The following RARS2 variants were observed in gnomAD, a reference collection of about 807,000 sequenced individuals.
The protein encoded by RARS2 is probable arginine--tRNA ligase, mitochondrial.
In RARS2, 67 loss-of-function variants were observed where a neutral mutation model predicts 88.5. The observed-to-expected ratio is 0.76, with a 90% CI of 0.62 to 0.93. The LOEUF (loss-of-function observed/expected upper bound fraction) is 0.93, where lower values mean the gene tolerates loss of function less well. Among genes scored for constraint, RARS2 ranks in the 40% least tolerant of loss-of-function variants. The pLI is 0.00. For missense variants in RARS2, 664 were observed against 684.2 expected (o/e 0.97, Z 0.33); for synonymous variants, 239 against 230.3 (o/e 1.04, Z -0.34).
chr6:87,532,122 T>C (rs1380487422), intron 8 of RARS2, among the ~76,000 whole-genome samples: 3 of 152,170 alleles, frequency 2.0e-5, no homozygotes, highest in Non-Finnish European at 4.4e-5. Flanking sequence ...TCTCTCAAGG[T>C]AAAAACGTTT....
At chr6:87,535,508 G>GAT (rs1054202076) in intron 8 of RARS2, among the ~76,000 whole-genome samples, 8 of 151,970 alleles carry the variant, frequency 5.3e-5, no homozygotes, top group Non-Finnish European at 1.2e-4. Context: ...AAATTATCTA[G>GAT]TGATACACTA....
chr6:87,586,247 T>C (rs1775119001), intron 1 of RARS2, among the ~76,000 whole-genome samples: 1 of 152,216 alleles, frequency 6.6e-6, no homozygotes, highest in Non-Finnish European at 1.5e-5. Flanking sequence ...ATAGTGTAGA[T>C]GGATTCAAGA....
chr6:87,555,128 T>TAAATAAAC (rs1249951142), intron 5 of RARS2, among the ~76,000 whole-genome samples: 34 of 150,326 alleles, frequency 2.3e-4, no homozygotes, highest in Middle Eastern at 3.5e-3. Context: ...AATAAATAAA[T>TAAATAAAC]AAATAAATAA....
chr6:87,583,584 C>T lies in RARS2; in HGVS notation c.36+6338G>A, dbSNP rs112432008. Among the ~76,000 whole-genome samples the T allele has an allele frequency of 6.3e-3, 778 of 124,480 alleles. 8 individuals carry two copies. Among genetic ancestry groups the T allele is most frequent in the African/African-American group, 0.018 (591 of 33,022 alleles). 81.7% of individuals were successfully genotyped at this position (124,480 alleles called of 152,430 possible). On this transcript the variant is annotated intron_variant, in intron 1 of 19. Transcript: ENST00000369536. Reference sequence around the variant, plus strand: ...AGCCTGGGCAACAAGAACAAAACTGCGTCTCAAAAAAAAAAAAAACAGAAC... The same window carrying T: ...AGCCTGGGCAACAAGAACAAAACTGTGTCTCAAAAAAAAAAAAAACAGAAC...
At chr6:87,542,681 C>T (rs1465676554) in intron 7 of RARS2, among the ~76,000 whole-genome samples, 1 of 147,418 alleles carries the variant, frequency 6.8e-6, no homozygotes, top group African/African-American at 2.5e-5. Context: ...AACCCAAACA[C>T]CAAAAACTGA....
chr6:87,558,941 G>T (rs1786914070), intron 4 of RARS2, among the ~76,000 whole-genome samples: 1 of 152,220 alleles, frequency 6.6e-6, no homozygotes, highest in African/African-American at 2.4e-5. Context: ...AGCTTCATGT[G>T]TGTTACTGCC....
At chr6:87,560,672 G>A (rs1274209372) in intron 4 of RARS2, among the ~76,000 whole-genome samples, 1 of 152,232 alleles carries the variant, frequency 6.6e-6, no homozygotes, top group Non-Finnish European at 1.5e-5. Flanking sequence ...GGTGAGGTGG[G>A]TGGATTACCC....
chr6:87,529,712 G>C lies in RARS2; in HGVS notation c.772-64C>G. 4 of 1,175,734 alleles carry C rather than the reference G, an allele frequency of 3.4e-6. 1 individual carries two copies. The highest frequency in any genetic ancestry group is 5.1e-6 in the Non-Finnish European group (4 of 785,486). 72.8% of individuals were successfully genotyped at this position (1,175,734 alleles called of 1,614,324 possible). A position where few individuals can be genotyped will look rare whatever the true frequency, so the allele number is the denominator to read the frequency against. ...ATTGAATCTCCTATTCTTACCCTAAGGCAAAATTAAGGATGCTCTACCACC... is the reference window on the plus strand; with the variant it reads ...ATTGAATCTCCTATTCTTACCCTAACGCAAAATTAAGGATGCTCTACCACC... On this transcript the variant is annotated intron_variant, in intron 9 of 19. Coordinates refer to ENST00000369536, the MANE Select transcript of RARS2 (RefSeq NM_020320.5).
chr6:87,589,941 C>T lies in RARS2; in HGVS notation c.17G>A (p.Arg6His), dbSNP rs746997135. 10 of 1,613,918 alleles carry T rather than the reference C, an allele frequency of 6.2e-6. No individual in the cohort carries two copies. In the East Asian group the frequency reaches 1.6e-4, roughly 25 times the overall value. Reference sequence around the variant, plus strand: ...CCATACCTGGCAAGCAATAGCGCGGCGAAAGCCGCACGCCATGTCCACCTC... The same window carrying T: ...CCATACCTGGCAAGCAATAGCGCGGTGAAAGCCGCACGCCATGTCCACCTC... MACGF[R>H]RAIACQLSRV... Residue 6 changes from arginine (R) to histidine (H), a missense_variant, in exon 1 of 20, where the codon CGC becomes CAC. Physicochemically the swap from Arg to His is conservative, Grantham distance 29. Coordinates refer to ENST00000369536, the MANE Select transcript of RARS2 (RefSeq NM_020320.5).
Position 87,514,353 on chromosome 6 carries a change from G to A in RARS2, c.*60C>T, listed in dbSNP as rs1006479780. ...AATTTAAATTTATTCTGAACAGCAA[G>A]GCATCTCAGAATAGATAACTAGAAT... On this transcript the variant is annotated 3_prime_UTR_variant, in exon 20 of 20. Transcript: ENST00000369536. The A allele has an allele frequency of 2.6e-6, 3 of 1,137,964 alleles. No homozygotes were observed. The highest frequency in any genetic ancestry group is 4.0e-6 in the Non-Finnish European group (3 of 750,868). 70.5% of individuals were successfully genotyped at this position (1,137,964 alleles called of 1,614,324 possible).
chr6:87,561,442 G>C (rs1787829867), intron 4 of RARS2, among the ~76,000 whole-genome samples: 1 of 152,046 alleles, frequency 6.6e-6, no homozygotes, highest in South Asian at 2.1e-4. Context: ...AAATCCACTT[G>C]TAACTGCTGC....
chr6:87,586,602 C>T (rs1280489747), intron 1 of RARS2, among the ~76,000 whole-genome samples: 1 of 152,196 alleles, frequency 6.6e-6, no homozygotes, highest in East Asian at 1.9e-4. Context: ...AGGGCAGAAA[C>T]TATTTTCCGT....
At chr6:87,569,421 C>A in intron 2 of RARS2, 96 bp downstream of exon 2, 1 of 935,818 alleles carries the variant, frequency 1.1e-6, no homozygotes. Flanking sequence ...AAGGACTATT[C>A]CACAAACTGA....
At position 87,530,937 on chromosome 6, in the gene RARS2, A is replaced by C; in HGVS notation, c.618T>G (p.Tyr206Ter). The C allele has an allele frequency of 6.2e-7, 1 of 1,614,108 alleles. No homozygotes were observed. The highest frequency in any genetic ancestry group is 8.5e-7 in the Non-Finnish European group (1 of 1,180,008). Reference sequence around the variant, plus strand: ...CTGCTGCTTCTTTATTAACTTGTACATAAACCTAAAAGTACAATAGTACAT... The same window carrying C: ...CTGCTGCTTCTTTATTAACTTGTACCTAAACCTAAAAGTACAATAGTACAT... The part of the protein sequence containing the change: ...SNPLQHLFEV[Y>*]VQVNKEAADD... The change falls in exon 9 of 20, where the codon TAT becomes TAG. Residue 206 changes from tyrosine to a stop codon, truncating the protein, a stop_gained. Transcript: ENST00000369536. LOFTEE classifies it high-confidence loss of function.
rs1163764193 is a variant in RARS2, at chr6:87,559,412, G to A, written c.297+3290C>T. 2.0e-5 allele frequency among the ~76,000 whole-genome samples: 3 copies of A among 147,634 alleles called. No homozygotes were observed. The East Asian group carries it at 6.0e-4, about 30-fold the overall frequency. On this transcript the variant is annotated intron_variant, in intron 4 of 19. Coordinates refer to ENST00000369536, the MANE Select transcript of RARS2 (RefSeq NM_020320.5). ...AACCTGGGGGGCGGAGGTGGGAGCT[G>A]AGGCTGTGCCATTGCACTCCAGCCT...
chr6:87,521,043 A>C (rs768700349), intron 12 of RARS2, among the ~76,000 whole-genome samples: 8 of 152,212 alleles, frequency 5.3e-5, no homozygotes, highest in Non-Finnish European at 8.8e-5. Flanking sequence ...TATCAATGTT[A>C]ATTTCCTGCT....
intron 16 of RARS2, 68 bp from the exon 17 acceptor site, chr6:87,518,332 G>A (rs1290804883): frequency 1.4e-5 from 23 of 1,610,402 alleles, no homozygotes; most frequent in Middle Eastern, 3.3e-4. Flanking sequence ...AGAGCTGCAA[G>A]TGATGAACAT....
intron 1 of RARS2, among the ~76,000 whole-genome samples, chr6:87,576,951 C>T (rs930853100): frequency 1.3e-5 from 2 of 152,052 alleles, no homozygotes; most frequent in African/African-American, 2.4e-5. Flanking sequence ...GATAATTTAA[C>T]GGTGATATTA....
intron 4 of RARS2, among the ~76,000 whole-genome samples, chr6:87,556,809 A>T (rs867095328): frequency 5.3e-5 from 7 of 131,878 alleles, no homozygotes; most frequent in East Asian, 4.6e-4. Flanking sequence ...AAAAAAAAAA[A>T]TTTTTTTTTT....
Sources: gnomAD v4.1 joint callset for allele counts (sites outside exome capture counted in the v4.1 genomes callset) on GRCh38, gnomAD v4.1.1 for gene constraint, MANE v1.5 for transcripts, NCBI Gene and HGNC (gene_info 2026-07-23, HGNC 2026-07-21) for gene names.